ADAM32: variants seen among roughly 807,000 people sequenced by gnomAD.
ADAM32 encodes the protein disintegrin and metalloproteinase domain-containing protein 32.
Under a neutral mutation model 114.9 loss-of-function variants are expected in ADAM32, and 89 were observed. The ratio of observed to expected loss-of-function variants is 0.77; its 90% confidence interval spans 0.65 to 0.92. ADAM32 has a LOEUF of 0.92. Ranked by LOEUF, ADAM32 falls within the 40% of genes least tolerant of loss-of-function variation. The probability of loss-of-function intolerance (pLI) is 0.00; values close to 1 mark genes in which losing one functional copy is unlikely to be tolerated. For synonymous variants in ADAM32, 285 were observed against 307.5 expected (o/e 0.93, Z 0.77); for missense variants, 870 against 932.8 (o/e 0.93, Z 0.88).
intron 4 of ADAM32, among the ~76,000 whole-genome samples, chr8:39,149,066 C>G (rs1254393806): frequency 1.3e-5 from 2 of 152,150 alleles, no homozygotes; most frequent in Non-Finnish European, 2.9e-5. Flanking sequence ...CATATGTTAA[C>G]TAGGTCATAC....
intron 17 of ADAM32, among the ~76,000 whole-genome samples, chr8:39,251,344 ATCTTTTTTTATCAAAAAGATGG>A (rs373257395): frequency 0.049 from 7,454 of 151,230 alleles, 637 homozygotes; most frequent in African/African-American, 0.17. Context: ...TGGCTGTTCC[ATCTTTTTTTATCAAAAAGATGG>A]TCTTTTTGTT....
intron 14 of ADAM32, 36 bp from the exon 15 acceptor site, chr8:39,231,991 A>G (rs747355577): frequency 1.3e-6 from 2 of 1,498,508 alleles, no homozygotes; most frequent in African/African-American, 2.8e-5. Context: ...AAAACCAATA[A>G]ACATTTTAAT....
intron 16 of ADAM32, among the ~76,000 whole-genome samples, chr8:39,240,166 A>T (rs957444585): frequency 6.6e-6 from 1 of 152,246 alleles, no homozygotes; most frequent in Non-Finnish European, 1.5e-5. Context: ...AAGACTGATC[A>T]TATGATAGAC....
At chr8:39,165,219 C>T in intron 9 of ADAM32, 23 bp downstream of exon 9, 2 of 1,415,722 alleles carry the variant, frequency 1.4e-6, no homozygotes, top group Non-Finnish European at 1.9e-6. Context: ...TTTCATTATT[C>T]CTAGAAAGAA....
chr8:39,202,524 C>A (rs1807495825), intron 11 of ADAM32, among the ~76,000 whole-genome samples: 1 of 152,098 alleles, frequency 6.6e-6, no homozygotes, highest in African/African-American at 2.4e-5. Context: ...CTCTTTTCTT[C>A]TTTGTTAGTC....
intron 10 of ADAM32, among the ~76,000 whole-genome samples, chr8:39,182,544 T>C (rs1805968422): frequency 6.6e-6 from 1 of 152,190 alleles, no homozygotes; most frequent in Non-Finnish European, 1.5e-5. Context: ...TAACATTCAC[T>C]CTCTTAGCAT....
At chr8:39,251,805 A>C (rs958978892) in intron 17 of ADAM32, among the ~76,000 whole-genome samples, 1 of 151,770 alleles carries the variant, frequency 6.6e-6, no homozygotes, top group Non-Finnish European at 1.5e-5. Flanking sequence ...TCAGTGTCTT[A>C]GAACTATTTT....
chr8:39,152,125 C>T (rs923067002), intron 6 of ADAM32, among the ~76,000 whole-genome samples: 1 of 152,110 alleles, frequency 6.6e-6, no homozygotes, highest in Non-Finnish European at 1.5e-5. Flanking sequence ...TTTGCTCCTA[C>T]ATTCCTGGAA....
intron 6 of ADAM32, chr8:39,157,599 C>A: frequency 1.8e-6 from 1 of 553,682 alleles, no homozygotes; most frequent in South Asian, 1.5e-5. Context: ...TGCTTCTTCT[C>A]CATGGTTTGG....
intron 22 of ADAM32, among the ~76,000 whole-genome samples, chr8:39,278,359 G>C (rs185387829): frequency 6.6e-6 from 1 of 152,192 alleles, no homozygotes; most frequent in African/African-American, 2.4e-5. Context: ...GGTGGTTTCC[G>C]GCTTTTCGGC....
intron 2 of ADAM32, among the ~76,000 whole-genome samples, chr8:39,126,731 A>C (rs1802141095): frequency 6.6e-6 from 1 of 152,126 alleles, no homozygotes; most frequent in Non-Finnish European, 1.5e-5. Flanking sequence ...GAGACAGTGC[A>C]TCCTTGTCTT....
chr8:39,220,776 C>T (rs1808906509), intron 12 of ADAM32, among the ~76,000 whole-genome samples: 1 of 151,928 alleles, frequency 6.6e-6, no homozygotes. Context: ...AGAAAAGATA[C>T]TTCATATGAT....
chr8:39,163,233 A>G (rs1214079148), intron 7 of ADAM32, among the ~76,000 whole-genome samples: 1 of 152,136 alleles, frequency 6.6e-6, no homozygotes, highest in African/African-American at 2.4e-5. Context: ...TTTTATTACT[A>G]CTCAGGTATA....
At chr8:39,247,895 C>CTT (rs148274969) in intron 17 of ADAM32, among the ~76,000 whole-genome samples, 1 of 146,566 alleles carries the variant, frequency 6.8e-6, no homozygotes, top group East Asian at 2.0e-4. Context: ...TGTCTAGATT[C>CTT]TTTTTTTTTT....
chr8:39,139,916 A>T (rs1455143315), intron 3 of ADAM32, among the ~76,000 whole-genome samples: 1 of 151,988 alleles, frequency 6.6e-6, no homozygotes, highest in Non-Finnish European at 1.5e-5. Context: ...ATTCCTAGGT[A>T]TTTTATTCTC....
intron 2 of ADAM32, among the ~76,000 whole-genome samples, chr8:39,124,707 G>A (rs186124242): frequency 1.2e-4 from 19 of 152,150 alleles, no homozygotes; most frequent in African/African-American, 4.3e-4. Flanking sequence ...AAGCCACCGC[G>A]CCCAGCCAAT....
intron 12 of ADAM32, among the ~76,000 whole-genome samples, chr8:39,219,790 C>T (rs1269870762): frequency 2.6e-5 from 4 of 152,126 alleles, no homozygotes; most frequent in Non-Finnish European, 5.9e-5. Flanking sequence ...TTTTATTTCA[C>T]TGTGGCTTGA....
Position 39,186,619 on chromosome 8 carries a change from T to C in ADAM32, c.916-290T>C, listed in dbSNP as rs919981556. 5.9e-5 allele frequency among the ~76,000 whole-genome samples: 9 copies of C among 152,306 alleles called. No individual in the cohort carries two copies. In the South Asian group the frequency reaches 1.5e-3, roughly 25 times the overall value. On this transcript the variant is annotated intron_variant, in intron 10 of 24. Transcript: ENST00000379907. ...ATGGTCCATATAACCAACAGTGTAA[T>C]GTAGATTTTCTTTATCAAAACAATT...
chr8:39,135,914 A>C (rs970992828), intron 2 of ADAM32, among the ~76,000 whole-genome samples: 1 of 152,176 alleles, frequency 6.6e-6, no homozygotes, highest in Non-Finnish European at 1.5e-5. Flanking sequence ...TCTGACCTGG[A>C]AACAAACTGC....
Sources: gnomAD v4.1 joint callset for allele counts (sites outside exome capture counted in the v4.1 genomes callset) on GRCh38, gnomAD v4.1.1 for gene constraint, MANE v1.5 for transcripts, NCBI Gene and HGNC (gene_info 2026-07-23, HGNC 2026-07-21) for gene names.